PTPRD: variants seen among roughly 807,000 people sequenced by gnomAD.
The protein encoded by PTPRD is receptor-type tyrosine-protein phosphatase delta.
In PTPRD, 34 loss-of-function variants were observed where a neutral mutation model predicts 214.5. That is an observed-to-expected ratio of 0.16 (90% confidence interval 0.12 to 0.21). The LOEUF (loss-of-function observed/expected upper bound fraction) is 0.21, where lower values mean the gene tolerates loss of function less well. Among genes scored for constraint, PTPRD ranks in the 10% least tolerant of loss-of-function variants. The pLI is 1.00. For synonymous variants in PTPRD, 1,128 were observed against 845.7 expected (o/e 1.33, Z -5.79); for missense variants, 2,545 against 2,398.7 (o/e 1.06, Z -1.27).
chr9:8,339,784 G>A (rs571731624), intron 42 of PTPRD, among the ~76,000 whole-genome samples: 17 of 150,990 alleles, frequency 1.1e-4, no homozygotes, highest in African/African-American at 4.1e-4. Flanking sequence ...TGGTAGAGCA[G>A]TATTAATAGT....
At chr9:9,670,689 A>G (rs1317643702) in intron 7 of PTPRD, among the ~76,000 whole-genome samples, 1 of 152,168 alleles carries the variant, frequency 6.6e-6, no homozygotes, top group Admixed American at 6.5e-5. Context: ...GAAAGTGGCC[A>G]ACATAGAGCT....
chr9:8,803,020 G>A (rs969385981), intron 11 of PTPRD, among the ~76,000 whole-genome samples: 3 of 152,028 alleles, frequency 2.0e-5, no homozygotes, highest in Non-Finnish European at 4.4e-5. Flanking sequence ...CAGCACCATT[G>A]TACTCCGGCC....
At chr9:9,075,947 A>T (rs2099750523) in intron 10 of PTPRD, among the ~76,000 whole-genome samples, 1 of 152,162 alleles carries the variant, frequency 6.6e-6, no homozygotes, top group Non-Finnish European at 1.5e-5. Flanking sequence ...GGCTGGGTCA[A>T]ATGGTATGTC....
chr9:10,178,297 T>C (rs1216977606), intron 3 of PTPRD, among the ~76,000 whole-genome samples: 1 of 151,902 alleles, frequency 6.6e-6, no homozygotes, highest in Non-Finnish European at 1.5e-5. Context: ...TATTGTTTCT[T>C]TCCACCTTCC....
chr9:9,391,545 C>T (rs548664681), intron 9 of PTPRD, among the ~76,000 whole-genome samples: 32 of 152,214 alleles, frequency 2.1e-4, no homozygotes, highest in Non-Finnish European at 1.2e-4. Context: ...CAAGGCACTT[C>T]TTTGATTGTA....
intron 3 of PTPRD, among the ~76,000 whole-genome samples, chr9:10,074,724 C>A (rs1467531715): frequency 6.6e-6 from 1 of 151,940 alleles, no homozygotes; most frequent in African/African-American, 2.4e-5. Flanking sequence ...ACTTCCTGCA[C>A]ATGTTGTGCA....
At chr9:8,559,109 T>C (rs2141167551) in intron 14 of PTPRD, among the ~76,000 whole-genome samples, 1 of 152,328 alleles carries the variant, frequency 6.6e-6, no homozygotes, top group East Asian at 1.9e-4. Context: ...GACATAATAT[T>C]TTAATTTTCC....
At chr9:8,320,094 C>G in intron 44 of PTPRD, 128 bp from the exon 45 acceptor site, 2 of 1,106,612 alleles carry the variant, frequency 1.8e-6, no homozygotes, top group South Asian at 1.8e-5. Flanking sequence ...TTCAGGAAAA[C>G]ATGGTATCAC....
intron 2 of PTPRD, among the ~76,000 whole-genome samples, chr9:10,525,284 G>C (rs931208789): frequency 6.6e-6 from 1 of 151,950 alleles, no homozygotes; most frequent in Non-Finnish European, 1.5e-5. Context: ...GAAACATGTA[G>C]ATATATTTCA....
At chr9:9,952,131 T>C (rs563563871) in intron 4 of PTPRD, among the ~76,000 whole-genome samples, 109 of 152,230 alleles carry the variant, frequency 7.2e-4, no homozygotes, top group African/African-American at 2.4e-3. Flanking sequence ...CACCTGAAAG[T>C]TATGTGCCTA....
chr9:9,318,986 T>G (rs1964958724), intron 9 of PTPRD, among the ~76,000 whole-genome samples: 1 of 152,178 alleles, frequency 6.6e-6, no homozygotes, highest in Non-Finnish European at 1.5e-5. Context: ...TATAGTTTCC[T>G]CTATCATTAT....
At chr9:10,124,356 G>T (rs374091449) in intron 3 of PTPRD, among the ~76,000 whole-genome samples, 2 of 152,074 alleles carry the variant, frequency 1.3e-5, no homozygotes, top group African/African-American at 4.8e-5. Context: ...ACCAAATATT[G>T]CTCCTGAAAG....
At chr9:10,017,146 C>T (rs563472464) in intron 4 of PTPRD, among the ~76,000 whole-genome samples, 21 of 152,076 alleles carry the variant, frequency 1.4e-4, no homozygotes, top group Admixed American at 3.9e-4. Flanking sequence ...AGTAATATGC[C>T]CAATGTTTTT....
intron 3 of PTPRD, among the ~76,000 whole-genome samples, chr9:10,288,847 C>A (rs1032523107): frequency 6.6e-6 from 1 of 151,926 alleles, no homozygotes; most frequent in African/African-American, 2.4e-5. Flanking sequence ...TTCAGAGATG[C>A]TAAAATTGGA....
intron 4 of PTPRD, among the ~76,000 whole-genome samples, chr9:9,969,951 ATC>A (rs2094972990): frequency 6.6e-6 from 1 of 152,038 alleles, no homozygotes; most frequent in African/African-American, 2.4e-5. Context: ...GTGCTTTCTT[ATC>A]TCTGTCCACT....
At chr9:8,458,206 A>C (rs1231915070) in intron 33 of PTPRD, among the ~76,000 whole-genome samples, 1 of 152,142 alleles carries the variant, frequency 6.6e-6, no homozygotes, top group Non-Finnish European at 1.5e-5. Flanking sequence ...TAAATATGAT[A>C]CTTCTTTTTG....
intron 11 of PTPRD, among the ~76,000 whole-genome samples, chr9:9,009,589 C>G (rs1589729179): frequency 6.6e-6 from 1 of 151,570 alleles, no homozygotes; most frequent in Admixed American, 6.6e-5. Flanking sequence ...AAAATTAGAA[C>G]TGTAAAAATT....
At position 9,556,772 on chromosome 9, in the gene PTPRD, A is replaced by G. The variant is rs572905159; in HGVS notation, c.-237+17960T>C. On this transcript the variant is annotated intron_variant, in intron 8 of 45. Coordinates refer to ENST00000381196, the MANE Select transcript of PTPRD (RefSeq NM_002839.4). ...TTCAAAATATAATTCCTGGCAAGAA[A>G]TTGAGAGCTCTGTGGTTCAAAATCT... 5.3e-5 allele frequency among the ~76,000 whole-genome samples: 8 copies of G among 152,316 alleles called. No homozygotes were observed. In the South Asian group the frequency reaches 1.7e-3, roughly 32 times the overall value.
intron 8 of PTPRD, among the ~76,000 whole-genome samples, chr9:9,447,454 G>C (rs944922191): frequency 1.3e-5 from 2 of 152,020 alleles, no homozygotes; most frequent in African/African-American, 4.8e-5. Flanking sequence ...ATATGTAGAA[G>C]TTAAATGATA....
Sources: gnomAD v4.1 joint callset for allele counts (sites outside exome capture counted in the v4.1 genomes callset) on GRCh38, gnomAD v4.1.1 for gene constraint, MANE v1.5 for transcripts, NCBI Gene and HGNC (gene_info 2026-07-23, HGNC 2026-07-21) for gene names.